PLCB1: variants seen among roughly 807,000 people sequenced by gnomAD.
PLCB1 encodes the protein 1-phosphatidylinositol 4,5-bisphosphate phosphodiesterase beta-1.
In PLCB1, 46 loss-of-function variants were observed where a neutral mutation model predicts 161.8. The ratio of observed to expected loss-of-function variants is 0.28; its 90% confidence interval spans 0.22 to 0.36. PLCB1 has a LOEUF of 0.36. Ranked by LOEUF, PLCB1 falls within the 10% of genes least tolerant of loss-of-function variation. PLCB1 has a pLI of 1.00. For synonymous variants in PLCB1, 517 were observed against 503.7 expected (o/e 1.03, Z -0.35); for missense variants, 1,016 against 1,472.5 (o/e 0.69, Z 5.07).
At chr20:8,627,184 CAG>C (rs1238352683) in intron 3 of PLCB1, among the ~76,000 whole-genome samples, 1 of 152,144 alleles carries the variant, frequency 6.6e-6, no homozygotes, top group Non-Finnish European at 1.5e-5. Flanking sequence ...TGCAGCCAAA[CAG>C]AGAAAGTTTT....
At chr20:8,350,136 A>G (rs1363691995) in intron 2 of PLCB1, among the ~76,000 whole-genome samples, 1 of 152,168 alleles carries the variant, frequency 6.6e-6, no homozygotes, top group Non-Finnish European at 1.5e-5. Flanking sequence ...CAGGTTTGTT[A>G]CACAGGTAAA....
chr20:8,371,136 G>T (rs760495997), intron 2 of PLCB1: 43 of 448,228 alleles, frequency 9.6e-5, no homozygotes, highest in Non-Finnish European at 1.5e-4. Context: ...TGGCTTGTAG[G>T]ATAGACTGGG....
intron 2 of PLCB1, among the ~76,000 whole-genome samples, chr20:8,206,642 T>C (rs1045107206): frequency 2.6e-5 from 4 of 152,134 alleles, no homozygotes; most frequent in Non-Finnish European, 4.4e-5. Context: ...TACTTTTTCA[T>C]TATTTTTATT....
At chr20:8,523,672 A>G (rs530577601) in intron 3 of PLCB1, among the ~76,000 whole-genome samples, 3 of 151,386 alleles carry the variant, frequency 2.0e-5, no homozygotes, top group African/African-American at 4.9e-5. Flanking sequence ...AGTAGCAGAC[A>G]TCAGTTGGGT....
intron 2 of PLCB1, among the ~76,000 whole-genome samples, chr20:8,153,129 T>C (rs1435739960): frequency 2.0e-5 from 3 of 152,150 alleles, no homozygotes; most frequent in Non-Finnish European, 4.4e-5. Flanking sequence ...AAACTAAAGC[T>C]AGCGAGTCAT....
rs1041481644 is a variant in PLCB1, at chr20:8,254,132, A to G, written c.177+103761A>G. Reference sequence around the variant, plus strand: ...TAGTGCTATATTGTACACATTTCAGAGAACCTTTTCCCTGCTAAATCTTCA... The same window carrying G: ...TAGTGCTATATTGTACACATTTCAGGGAACCTTTTCCCTGCTAAATCTTCA... On this transcript the variant is annotated intron_variant, in intron 2 of 31. Coordinates refer to ENST00000338037, the MANE Select transcript of PLCB1 (RefSeq NM_015192.4). Among the ~76,000 whole-genome samples the G allele has an allele frequency of 7.9e-5, 12 of 152,152 alleles. No homozygotes were observed. The South Asian group carries it at 1.2e-3, about 16-fold the overall frequency.
intron 2 of PLCB1, among the ~76,000 whole-genome samples, chr20:8,272,209 T>A (rs1982320808): frequency 6.6e-6 from 1 of 152,072 alleles, no homozygotes; most frequent in Non-Finnish European, 1.5e-5. Flanking sequence ...AAGAATATGT[T>A]TACTTGGAAA....
chr20:8,750,290 G>T (rs1360909072), intron 23 of PLCB1, among the ~76,000 whole-genome samples: 1 of 152,164 alleles, frequency 6.6e-6, no homozygotes, highest in Non-Finnish European at 1.5e-5. Context: ...TGGTGTTAAT[G>T]AAGAAGCTCA....
intron 3 of PLCB1, among the ~76,000 whole-genome samples, chr20:8,501,864 CA>C (rs1983426614): frequency 3.8e-5 from 4 of 104,706 alleles, no homozygotes; most frequent in African/African-American, 1.5e-4. Flanking sequence ...AGATATATCG[CA>C]TATATATATA....
At chr20:8,878,589 G>A (rs758684926) in intron 31 of PLCB1, among the ~76,000 whole-genome samples, 7 of 152,036 alleles carry the variant, frequency 4.6e-5, no homozygotes, top group South Asian at 4.2e-4. Context: ...TTTCCTCCTC[G>A]GCTTATAAGA....
intron 2 of PLCB1, among the ~76,000 whole-genome samples, chr20:8,299,793 G>A (rs1159350437): frequency 3.3e-5 from 5 of 152,226 alleles, no homozygotes; most frequent in Non-Finnish European, 7.4e-5. Context: ...ACCACGTCCT[G>A]TTGATTTAAT....
intron 27 of PLCB1, among the ~76,000 whole-genome samples, chr20:8,776,374 T>C (rs906081809): frequency 1.3e-5 from 2 of 152,206 alleles, no homozygotes; most frequent in Non-Finnish European, 1.5e-5. Flanking sequence ...TTATAACCAT[T>C]GTGTAGATGC....
chr20:8,802,213 G>A (rs1984318822), intron 31 of PLCB1: 2 of 1,029,118 alleles, frequency 1.9e-6, no homozygotes, highest in Non-Finnish European at 3.0e-6. Flanking sequence ...AGAGAAGGGT[G>A]GTGTGTAGCC....
intron 2 of PLCB1, among the ~76,000 whole-genome samples, chr20:8,304,217 T>G (rs1984027860): frequency 6.6e-6 from 1 of 152,166 alleles, no homozygotes; most frequent in Admixed American, 6.5e-5. Context: ...TTTTTCTGGC[T>G]TCATTATTTA....
At chr20:8,370,877 A>G (rs1986881701) in intron 2 of PLCB1, among the ~76,000 whole-genome samples, 1 of 152,176 alleles carries the variant, frequency 6.6e-6, no homozygotes, top group Admixed American at 6.5e-5. Context: ...ATGGGTAATG[A>G]TTAAGTGAAA....
At chr20:8,390,709 G>A (rs778242907) in intron 3 of PLCB1, among the ~76,000 whole-genome samples, 29 of 152,116 alleles carry the variant, frequency 1.9e-4, no homozygotes, top group Non-Finnish European at 3.1e-4. Flanking sequence ...TGTTGATTTG[G>A]CATTATCAGC....
In PLCB1 at chr20:8,150,409, C is replaced by T. The variant is rs183248333; in HGVS notation, c.177+38C>T. ...GTATGCCTTTCTTACATTTTTCAGT[C>T]GTTTACTACTTTGAAAAGTATTTAT... is the stretch of plus-strand genomic sequence containing the variant. On this transcript the variant is annotated intron_variant, in intron 2 of 31. Transcript: ENST00000338037. The T allele has an allele frequency of 7.3e-5, 66 of 900,904 alleles. No homozygotes were observed. The East Asian group carries it at 7.6e-4, about 10-fold the overall frequency. 55.8% of individuals were successfully genotyped at this position (900,904 alleles called of 1,614,324 possible).
intron 2 of PLCB1, among the ~76,000 whole-genome samples, chr20:8,272,905 T>C (rs1982354349): frequency 6.6e-6 from 1 of 152,186 alleles, no homozygotes; most frequent in Non-Finnish European, 1.5e-5. Context: ...CCATCGTTAG[T>C]GTTTTTGCTC....
At chr20:8,579,307 G>C (rs77647831) in intron 3 of PLCB1, among the ~76,000 whole-genome samples, 2 of 152,220 alleles carry the variant, frequency 1.3e-5, no homozygotes, top group Non-Finnish European at 2.9e-5. Context: ...GCCAGAGGAG[G>C]AATCACATGG....
Sources: allele counts gnomAD v4.1 joint callset (sites outside exome capture counted in the v4.1 genomes callset), GRCh38; gene constraint gnomAD v4.1.1; transcripts MANE v1.5; gene names NCBI Gene and HGNC (gene_info 2026-07-23, HGNC 2026-07-21).